The following MADD variants were observed in gnomAD, a reference collection of about 807,000 sequenced individuals.
The protein encoded by MADD is MAP kinase activating death domain, also known as MAP kinase-activating death domain protein.
Under a neutral mutation model 176.7 loss-of-function variants are expected in MADD, and 109 were observed. The observed-to-expected ratio is 0.62, with a 90% CI of 0.53 to 0.72. MADD has a LOEUF of 0.72. Among genes scored for constraint, MADD ranks in the 30% least tolerant of loss-of-function variants. The pLI is 0.00. For synonymous variants in MADD, 771 were observed against 771.3 expected, an observed-to-expected ratio of 1.00 and a Z score of 0.01; for missense variants, 1,914 against 2,045.5, an observed-to-expected ratio of 0.94 and a Z score of 1.24.
intron 27 of MADD, among the ~76,000 whole-genome samples, chr11:47,320,337 T>C (rs893033235): frequency 6.6e-6 from 1 of 151,916 alleles, no homozygotes; most frequent in Non-Finnish European, 1.5e-5. Flanking sequence ...GTGCTTGTAA[T>C]CCCAGTTACT....
rs35658298 is a variant in MADD at position 47,303,239 on chromosome 11, G to GTT, written c.3643-5333_3643-5332dup. 7.7e-3 allele frequency among the ~76,000 whole-genome samples: 830 copies of GTT among 108,126 alleles called. 29 individuals carry two copies. Among genetic ancestry groups the GTT allele is most frequent in the Non-Finnish European group, 8.7e-3 (489 of 55,996 alleles). 70.9% of individuals were successfully genotyped at this position (108,126 alleles called of 152,430 possible). A position where few individuals can be genotyped will look rare whatever the true frequency, so the allele number is the denominator to read the frequency against. On this transcript the variant is annotated intron_variant, in intron 22 of 32. Coordinates refer to ENST00000402192, the Ensembl canonical transcript of MADD. Reference sequence around the variant, plus strand: ...TGTGACTTAACACTTTTCTCTTGCTGTTTTTTTTTTTTTTTTTTTTGAGAC... The same window carrying GTT: ...TGTGACTTAACACTTTTCTCTTGCTGTTTTTTTTTTTTTTTTTTTTTTGAGAC...
chr11:47,287,812 C>T (rs1555039737), intron 15 of MADD, among the ~76,000 whole-genome samples: 3 of 95,596 alleles, frequency 3.1e-5, no homozygotes, highest in Non-Finnish European at 5.8e-5. Flanking sequence ...TTTTTTGAGA[C>T]AAGAGTCTCG....
rs1467099494 is a variant in MADD, at chr11:47,325,581, C to G, written c.4542+1004C>G. Among the ~76,000 whole-genome samples, 1 of 152,240 alleles carries G rather than the reference C, an allele frequency of 6.6e-6. No individual in the cohort carries two copies. Among genetic ancestry groups the G allele is most frequent in the Non-Finnish European group, 1.5e-5 (1 of 68,044 alleles). On this transcript the variant is annotated intron_variant, in intron 30 of 32. Transcript: ENST00000402192. This position sits in a 1 kb window ranked among gnomAD's most constrained non-coding sequence, Gnocchi z 4.5. ...GTTTAACAGGAAATGGCTGCGCAGG[C>G]TGCCAGCAGCCCCTTAGTATATTTT...
intron 22 of MADD, among the ~76,000 whole-genome samples, chr11:47,307,772 G>C (rs187432735): frequency 6.6e-6 from 1 of 151,998 alleles, no homozygotes; most frequent in East Asian, 1.9e-4. Context: ...GGGTTCAAGC[G>C]ATTCTCCTGC....
At chr11:47,281,635 G>A (rs1592130016) in exon 8 of MADD, 3 of 1,612,972 alleles carry the variant, frequency 1.9e-6, no homozygotes, top group Non-Finnish European at 2.5e-6. Flanking sequence ...ATTTCATGAG[G>A]GCCAGGAGAT....
chr11:47,296,899 C>T (rs1760414692), intron 22 of MADD, among the ~76,000 whole-genome samples: 1 of 152,044 alleles, frequency 6.6e-6, no homozygotes, highest in Non-Finnish European at 1.5e-5. Context: ...CTCAGCCTCC[C>T]AAGTAGCTGG....
intron 19 of MADD, among the ~76,000 whole-genome samples, chr11:47,291,820 A>G (rs1018935349): frequency 2.0e-5 from 3 of 152,202 alleles, no homozygotes; most frequent in Admixed American, 6.5e-5. Context: ...AGGAAATCAT[A>G]CTAAGTACAC....
At chr11:47,297,914 G>A (rs1372181054) in intron 22 of MADD, among the ~76,000 whole-genome samples, 4 of 146,504 alleles carry the variant, frequency 2.7e-5, no homozygotes, top group African/African-American at 5.1e-5. Context: ...TCAGCCTCCC[G>A]AGTAGCTGGG....
exon 25 of MADD, chr11:47,309,592 T>G (rs1272522216): frequency 6.2e-7 from 1 of 1,613,618 alleles, no homozygotes; most frequent in Admixed American, 1.7e-5. Context: ...CAACCTCATC[T>G]CCTACATGCT....
At position 47,315,601 on chromosome 11, in the gene MADD, A is replaced by C. The variant is rs112045199; in HGVS notation, c.4197+274A>C. Among the ~76,000 whole-genome samples the C allele has an allele frequency of 6.6e-3, 998 of 151,540 alleles. 14 individuals are homozygous for C. The highest frequency in any genetic ancestry group is 0.023 in the African/African-American group (953 of 41,278). ...GCAGTTCTCCTGCCACAGCCTCCCA[A>C]GTAGCTGGGATTACAGGCGCCAGCC... is the stretch of plus-strand genomic sequence containing the variant. On this transcript the variant is annotated intron_variant, in intron 27 of 32. Transcript: ENST00000402192.
rs568446835 is a variant in MADD at position 47,322,959 on chromosome 11, C to T, written c.4198-712C>T. On this transcript the variant is annotated intron_variant, in intron 27 of 32. Transcript: ENST00000402192. ...CATAAGAGGTAATAAATAACTGGGC[C>T]GGGCGCGGTGGCTCACGCCTGTAAT... Among the ~76,000 whole-genome samples, 31 of 151,852 alleles carry T rather than the reference C, an allele frequency of 2.0e-4. No homozygotes were observed. In the South Asian group the frequency reaches 3.7e-3, roughly 18 times the overall value.
intron 10 of MADD, 86 bp downstream of exon 10, chr11:47,283,055 A>C: frequency 4.5e-5 from 55 of 1,210,692 alleles, no homozygotes; most frequent in Non-Finnish European, 6.0e-5. Flanking sequence ...GCAAAGTCTC[A>C]TAGGCTTCCC....
intron 22 of MADD, among the ~76,000 whole-genome samples, chr11:47,300,456 C>T (rs902823629): frequency 1.4e-5 from 2 of 145,948 alleles, no homozygotes; most frequent in Non-Finnish European, 3.0e-5. Context: ...ATCTACCCCC[C>T]GCCCGCCCCA....
At chr11:47,324,765 C>T (rs2095204447) in intron 30 of MADD, 188 bp downstream of exon 33, 1 of 702,222 alleles carries the variant, frequency 1.4e-6, no homozygotes, top group South Asian at 1.5e-5. Flanking sequence ...CCACCTGGCG[C>T]TGTGAAGGTG....
intron 27 of MADD, among the ~76,000 whole-genome samples, chr11:47,318,251 TAA>T (rs1377039313): frequency 6.6e-6 from 1 of 152,202 alleles, no homozygotes; most frequent in East Asian, 1.9e-4. Flanking sequence ...CTCCTATATA[TAA>T]AGTAGTAAAA....
At chr11:47,310,841 A>T (rs1438681708) in intron 25 of MADD, among the ~76,000 whole-genome samples, 2 of 148,754 alleles carry the variant, frequency 1.3e-5, no homozygotes, top group Non-Finnish European at 3.0e-5. Context: ...TGAGAGAAGG[A>T]GGTTGCAGTG....
exon 20 of MADD, chr11:47,293,975 A>T: frequency 1.2e-6 from 2 of 1,613,794 alleles, no homozygotes; most frequent in Non-Finnish European, 1.7e-6. Context: ...CCTGACGTCT[A>T]GTTCCCAGGT....
At chr11:47,309,654 G>C in intron 25 of MADD, 42 bp downstream of exon 28, 2 of 1,483,556 alleles carry the variant, frequency 1.3e-6, no homozygotes, top group Middle Eastern at 1.7e-4. Context: ...TGATCCTAGA[G>C]GGGCAAGGCT....
At chr11:47,279,375 C>T (rs1591956838) in intron 7 of MADD, among the ~76,000 whole-genome samples, 1 of 144,232 alleles carries the variant, frequency 6.9e-6, no homozygotes, top group Admixed American at 7.0e-5. Context: ...AGAACATTTT[C>T]TCAGTCTTTT....
Sources: gnomAD v4.1 joint callset for allele counts (sites outside exome capture counted in the v4.1 genomes callset) on GRCh38, gnomAD v4.1.1 for gene constraint, Gnocchi (gnomAD v3.1) non-coding constraint, MANE v1.5 for transcripts, NCBI Gene and HGNC (gene_info 2026-07-23, HGNC 2026-07-21) for gene names.